The following FGF14 variants were observed in gnomAD, a reference collection of about 807,000 sequenced individuals.
FGF14 encodes the protein fibroblast growth factor 14.
FGF14 carries 5 observed loss-of-function variants against 25.5 expected under a neutral mutation model. The observed-to-expected ratio is 0.20, with a 90% confidence interval of 0.10 to 0.41. FGF14 has a LOEUF of 0.41. FGF14 is among the 10% of genes least tolerant of loss of function. FGF14 has a pLI of 1.00. For synonymous variants in FGF14, 138 were observed against 118.3 expected (o/e 1.17, Z -1.08); for missense variants, 222 against 320.1 (o/e 0.69, Z 2.34).
intron 1 of FGF14, among the ~76,000 whole-genome samples, chr13:102,039,893 T>C (rs1476477198): frequency 6.6e-6 from 1 of 152,106 alleles, no homozygotes; most frequent in Non-Finnish European, 1.5e-5. Context: ...TTTCTTCCTG[T>C]AATTCTGCTT....
At chr13:101,989,924 A>G (rs1441893681) in intron 1 of FGF14, among the ~76,000 whole-genome samples, 23 of 152,116 alleles carry the variant, frequency 1.5e-4, no homozygotes, top group Admixed American at 1.5e-3. Context: ...AGTTCTCTGT[A>G]TTACTCATTC....
intron 1 of FGF14, among the ~76,000 whole-genome samples, chr13:102,252,242 T>C (rs2052216589): frequency 6.6e-6 from 1 of 152,210 alleles, no homozygotes; most frequent in Non-Finnish European, 1.5e-5. Flanking sequence ...CTGAGGCCAC[T>C]GAGGCAAGAC....
At chr13:102,113,917 G>A (rs760680892) in intron 1 of FGF14, among the ~76,000 whole-genome samples, 2 of 152,136 alleles carry the variant, frequency 1.3e-5, no homozygotes, top group Non-Finnish European at 1.5e-5. Flanking sequence ...TCAAGAAAAG[G>A]CATCAAGGCC....
intron 1 of FGF14, among the ~76,000 whole-genome samples, chr13:101,899,551 C>T (rs978254277): frequency 1.9e-4 from 29 of 151,676 alleles, no homozygotes; most frequent in Non-Finnish European, 3.4e-4. Context: ...AAAATAGCCA[C>T]CCTAAAGCAA....
upstream of FGF14, among the ~76,000 whole-genome samples, chr13:101,919,340 G>T (rs2033822104): frequency 6.6e-6 from 1 of 151,426 alleles, no homozygotes; most frequent in Admixed American, 6.6e-5. Flanking sequence ...AAAGTAAAAT[G>T]TTAAGTATAG....
intron 1 of FGF14, among the ~76,000 whole-genome samples, chr13:102,041,595 A>T (rs111765476): frequency 6.7e-6 from 1 of 149,850 alleles, no homozygotes; most frequent in Non-Finnish European, 1.5e-5. Flanking sequence ...AAAAAAAAAA[A>T]AGAGAGATTT....
At chr13:102,239,377 T>C (rs924438355) in intron 1 of FGF14, among the ~76,000 whole-genome samples, 11 of 152,204 alleles carry the variant, frequency 7.2e-5, no homozygotes, top group Admixed American at 5.9e-4. Context: ...GAAAAGTGTT[T>C]CTCAAACATT....
At chr13:102,110,558 A>G (rs1490258101) in intron 1 of FGF14, among the ~76,000 whole-genome samples, 1 of 152,168 alleles carries the variant, frequency 6.6e-6, no homozygotes, top group East Asian at 1.9e-4. Flanking sequence ...AGCATTGAAG[A>G]GTTCCAACAG....
rs550812168 is a variant in FGF14 at position 101,931,233 on chromosome 13, A to C, written c.209-55937T>G. 3.0e-4 allele frequency among the ~76,000 whole-genome samples: 46 copies of C among 152,038 alleles called. 1 individual carries two copies. The highest frequency in any genetic ancestry group is 2.9e-5 in the Non-Finnish European group (2 of 67,966). On this transcript the variant is annotated intron_variant, in intron 1 of 4. Coordinates refer to the FGF14 transcript ENST00000376131. ...GTAGGTTTTTTCTGCTTGTCTCTGG[A>C]ATGCAAAGGCGCCCTTCCCATCCTC...
intron 1 of FGF14, among the ~76,000 whole-genome samples, chr13:102,211,736 A>C (rs181883868): frequency 1.3e-5 from 2 of 152,286 alleles, no homozygotes; most frequent in African/African-American, 4.8e-5. Flanking sequence ...TTAAACCCTA[A>C]CTCAAAAAGA....
At position 101,722,726 on chromosome 13, in the gene FGF14, G is replaced by A; in HGVS notation, c.*105C>T. On this transcript the variant is annotated 3_prime_UTR_variant, in exon 5 of 5. Transcript: ENST00000376143. ...CGGAGACAGCAAAGAATAAGCATTA[G>A]CTTACTTCCTGCTGCTCTTCAGCCA... 2.7e-6 allele frequency: 4 copies of A among 1,490,042 alleles called. No homozygotes were observed. The highest frequency in any genetic ancestry group is 3.7e-6 in the Non-Finnish European group (4 of 1,074,354). The allele number at this position is 1,490,042 out of a possible 1,614,324, so 92.3% of individuals were successfully genotyped here. A position where few individuals can be genotyped will look rare whatever the true frequency, so the allele number is the denominator to read the frequency against.
intron 1 of FGF14, among the ~76,000 whole-genome samples, chr13:102,016,692 C>A (rs1347400743): frequency 6.6e-6 from 1 of 152,108 alleles, no homozygotes; most frequent in Non-Finnish European, 1.5e-5. Context: ...CACCACACTG[C>A]CCAGGATGGC....
chr13:102,332,684 TC>T (rs1418270124), intron 1 of FGF14, among the ~76,000 whole-genome samples: 2 of 152,124 alleles, frequency 1.3e-5, no homozygotes, highest in Non-Finnish European at 2.9e-5. Flanking sequence ...CTGTCTCCTC[TC>T]AAGTGCTGGT....
At chr13:102,101,336 C>T (rs748460922) in intron 1 of FGF14, among the ~76,000 whole-genome samples, 1 of 152,072 alleles carries the variant, frequency 6.6e-6, no homozygotes, top group South Asian at 2.1e-4. Flanking sequence ...ACATACATAC[C>T]TGGGCCTTCC....
chr13:102,207,027 A>G (rs200171557), intron 1 of FGF14, among the ~76,000 whole-genome samples: 2 of 152,254 alleles, frequency 1.3e-5, no homozygotes, highest in East Asian at 3.9e-4. Context: ...CATACCTGTA[A>G]TCCCAACACT....
chr13:101,781,306 CTTCCACTAGGCTTTG>C (rs2039479958), intron 3 of FGF14, among the ~76,000 whole-genome samples: 1 of 152,162 alleles, frequency 6.6e-6, no homozygotes, highest in African/African-American at 2.4e-5. Context: ...TTCACTGTTT[CTTCCACTAGGCTTTG>C]TTCCACTAGT....
chr13:102,240,545 A>G (rs1424025672), intron 1 of FGF14, among the ~76,000 whole-genome samples: 2 of 152,166 alleles, frequency 1.3e-5, no homozygotes, highest in African/African-American at 2.4e-5. Context: ...CCTCTTTCAT[A>G]GAAAAACACC....
At chr13:101,825,654 A>G (rs1317345073) in intron 3 of FGF14, among the ~76,000 whole-genome samples, 1 of 152,202 alleles carries the variant, frequency 6.6e-6, no homozygotes, top group Non-Finnish European at 1.5e-5. Flanking sequence ...TGTAAATATC[A>G]TTAGAATGCA....
intron 1 of FGF14, among the ~76,000 whole-genome samples, chr13:102,201,919 C>T (rs1180350761): frequency 1.3e-5 from 2 of 152,082 alleles, no homozygotes; most frequent in Non-Finnish European, 1.5e-5. Flanking sequence ...TTATAATCCC[C>T]AGTGTTGGAT....
Sources: allele counts gnomAD v4.1 joint callset (sites outside exome capture counted in the v4.1 genomes callset), GRCh38; gene constraint gnomAD v4.1.1; transcripts MANE v1.5; gene names NCBI Gene and HGNC (gene_info 2026-07-23, HGNC 2026-07-21).